Variants in CACNA1E observed in about 807,000 individuals in gnomAD.
The protein encoded by CACNA1E is calcium voltage-gated channel subunit alpha1 E.
Under a neutral mutation model 259.2 loss-of-function variants are expected in CACNA1E, and 40 were observed. The observed-to-expected ratio is 0.15, with a 90% CI of 0.12 to 0.20. The LOEUF is 0.20. CACNA1E is among the 10% of genes least tolerant of loss of function. CACNA1E has a pLI of 1.00. For missense variants in CACNA1E, 1,874 were observed against 3,040.1 expected (o/e 0.62, Z 9.02); for synonymous variants, 1,104 against 1,138.5 (o/e 0.97, Z 0.61).
chr1:181,726,035 C>T (rs1316654667), intron 17 of CACNA1E, 30 bp from the exon 18 acceptor site: 1 of 1,536,036 alleles, frequency 6.5e-7, no homozygotes, highest in Non-Finnish European at 9.0e-7. Context: ...CTGGGGATCC[C>T]AGGCAAAGCC....
intron 6 of CACNA1E, among the ~76,000 whole-genome samples, chr1:181,611,522 C>T (rs895357521): frequency 1.3e-5 from 2 of 151,956 alleles, no homozygotes; most frequent in African/African-American, 4.8e-5. Context: ...GGGTTTTGGG[C>T]AGGTGCACCT....
chr1:181,540,706 C>A (rs1668517136), intron 3 of CACNA1E, among the ~76,000 whole-genome samples: 1 of 152,192 alleles, frequency 6.6e-6, no homozygotes, highest in African/African-American at 2.4e-5. Context: ...ATGGACCTCG[C>A]AAAGTCTCCC....
chr1:181,342,709 CA>C (rs2102638580), intron 1 of CACNA1E, among the ~76,000 whole-genome samples: 1 of 152,218 alleles, frequency 6.6e-6, no homozygotes, highest in Admixed American at 6.5e-5. Flanking sequence ...TAAGAATAGT[CA>C]AAGAAGTGCT....
At chr1:181,698,507 G>T (rs1268908089) in intron 7 of CACNA1E, among the ~76,000 whole-genome samples, 1 of 152,058 alleles carries the variant, frequency 6.6e-6, no homozygotes, top group African/African-American at 2.4e-5. Flanking sequence ...ACTTGCCTGT[G>T]GTCTGATTCA....
chr1:181,739,841 T>C (rs188791175), intron 25 of CACNA1E, among the ~76,000 whole-genome samples: 139 of 152,278 alleles, frequency 9.1e-4, no homozygotes, highest in Non-Finnish European at 1.3e-3. Context: ...AAAACAGTCT[T>C]AAACCATTCA....
At chr1:181,395,206 G>A (rs1319691644) in intron 1 of CACNA1E, among the ~76,000 whole-genome samples, 1 of 152,136 alleles carries the variant, frequency 6.6e-6, no homozygotes, top group African/African-American at 2.4e-5. Context: ...TATATATCTT[G>A]TAGGTAGATT....
intron 1 of CACNA1E, among the ~76,000 whole-genome samples, chr1:181,507,492 G>C (rs1665806011): frequency 6.6e-6 from 1 of 152,196 alleles, no homozygotes; most frequent in African/African-American, 2.4e-5. Flanking sequence ...GTGGAAGCAG[G>C]GAGCTGGGGC....
chr1:181,366,397 G>C (rs570987935), intron 1 of CACNA1E, among the ~76,000 whole-genome samples: 2 of 152,302 alleles, frequency 1.3e-5, no homozygotes, highest in Non-Finnish European at 2.9e-5. Flanking sequence ...TTGTCTCAAG[G>C]TAAGAGTCAA....
intron 6 of CACNA1E, among the ~76,000 whole-genome samples, chr1:181,642,938 T>C (rs1657930023): frequency 6.9e-6 from 1 of 144,226 alleles, no homozygotes; most frequent in Non-Finnish European, 1.5e-5. Context: ...ACTTTGTTAT[T>C]GCATGATAGT....
At chr1:181,690,513 A>G (rs919703923) in intron 7 of CACNA1E, among the ~76,000 whole-genome samples, 1 of 152,196 alleles carries the variant, frequency 6.6e-6, no homozygotes, top group Non-Finnish European at 1.5e-5. Context: ...TTCTGTGAAG[A>G]AAGTCAATGG....
At chr1:181,327,381 A>G (rs2102583252) in intron 1 of CACNA1E, among the ~76,000 whole-genome samples, 1 of 152,316 alleles carries the variant, frequency 6.6e-6, no homozygotes, top group African/African-American at 2.4e-5. Context: ...CAGTAATACT[A>G]CGGAGTGTGT....
intron 1 of CACNA1E, among the ~76,000 whole-genome samples, chr1:181,363,395 G>C (rs1452469683): frequency 6.6e-6 from 1 of 152,216 alleles, no homozygotes; most frequent in Non-Finnish European, 1.5e-5. Context: ...TTTGAAAATA[G>C]TGGAAACTAA....
intron 39 of CACNA1E, among the ~76,000 whole-genome samples, chr1:181,783,317 G>A (rs148891007): frequency 7.2e-5 from 11 of 152,228 alleles, no homozygotes; most frequent in Middle Eastern, 3.4e-3. Context: ...CCACCTCCCC[G>A]AGCTGACTCC....
chr1:181,780,985 C>T (rs1203480580), intron 38 of CACNA1E, among the ~76,000 whole-genome samples: 9 of 152,152 alleles, frequency 5.9e-5, no homozygotes, highest in South Asian at 2.1e-4. Context: ...ACCGTCTATC[C>T]GGTTTATACC....
chr1:181,742,712 C>T (rs578039139), intron 25 of CACNA1E, among the ~76,000 whole-genome samples: 60 of 152,316 alleles, frequency 3.9e-4, no homozygotes, highest in African/African-American at 1.4e-3. Flanking sequence ...AATTCTCAAA[C>T]AAAGCTGTGG....
At chr1:181,639,289 C>T (rs1009803900) in intron 6 of CACNA1E, among the ~76,000 whole-genome samples, 6 of 152,168 alleles carry the variant, frequency 3.9e-5, no homozygotes, top group African/African-American at 7.2e-5. Context: ...GGGGTTTCAC[C>T]GTGTTAGCCA....
intron 1 of CACNA1E, among the ~76,000 whole-genome samples, chr1:181,319,374 T>C (rs1650173581): frequency 6.6e-6 from 1 of 152,188 alleles, no homozygotes; most frequent in East Asian, 1.9e-4. Context: ...GGGCTTTCTC[T>C]CCTGGGGTTG....
At position 181,743,794 on chromosome 1, in the gene CACNA1E, G is replaced by A. The variant is rs951921006; in HGVS notation, c.3719+4541G>A. Among the ~76,000 whole-genome samples, 8 of 152,336 alleles carry A rather than the reference G, an allele frequency of 5.3e-5. No homozygotes were observed. In the East Asian group the frequency reaches 9.6e-4, roughly 18 times the overall value. ...GCTCGATTCACATGAGCAGGTGAGCGCTCCTGGATTGGATTCTAAGTAGTC... is the reference window on the plus strand; with the variant it reads ...GCTCGATTCACATGAGCAGGTGAGCACTCCTGGATTGGATTCTAAGTAGTC... On this transcript the variant is annotated intron_variant, in intron 25 of 47. Transcript: ENST00000367573.
intron 2 of CACNA1E, among the ~76,000 whole-genome samples, chr1:181,414,862 T>C (rs552148384): frequency 5.9e-5 from 9 of 152,372 alleles, no homozygotes; most frequent in African/African-American, 2.2e-4. Context: ...TTAACCATGA[T>C]GGCACAGTGC....
Sources: gnomAD v4.1 joint callset for allele counts (sites outside exome capture counted in the v4.1 genomes callset) on GRCh38, gnomAD v4.1.1 for gene constraint, MANE v1.5 for transcripts, NCBI Gene and HGNC (gene_info 2026-07-23, HGNC 2026-07-21) for gene names.